The following PDE1C variants were observed in gnomAD, a reference collection of about 807,000 sequenced individuals.
The protein encoded by PDE1C is dual specificity calcium/calmodulin-dependent 3',5'-cyclic nucleotide phosphodiesterase 1C.
In PDE1C, 62 loss-of-function variants were observed where a neutral mutation model predicts 93.1. That is an observed-to-expected ratio of 0.67 (90% CI 0.54 to 0.82). PDE1C has a LOEUF of 0.82. PDE1C is among the 40% of genes least tolerant of loss of function. PDE1C has a pLI of 0.00. For missense variants in PDE1C, 742 were observed against 884.6 expected (o/e 0.84, Z 2.04); for synonymous variants, 325 against 310.1 (o/e 1.05, Z -0.50).
the PDE1C span, among the ~76,000 whole-genome samples, chr7:31,700,476 C>T: frequency 0.034 from 5,108 of 152,244 alleles, 126 homozygotes; most frequent in Non-Finnish European, 0.054. Context: ...GAAGCCATCT[C>T]CCATAAAAGT....
intron 16 of PDE1C, among the ~76,000 whole-genome samples, chr7:31,793,604 A>G (rs1288364940): frequency 1.3e-5 from 2 of 152,030 alleles, no homozygotes; most frequent in Admixed American, 6.6e-5. Context: ...CGAATGAAGA[A>G]TAAGTGTAGA....
chr7:32,260,791 C>G (rs1810144102), intron 1 of PDE1C, among the ~76,000 whole-genome samples: 1 of 152,206 alleles, frequency 6.6e-6, no homozygotes, highest in Non-Finnish European at 1.5e-5. Context: ...TGCCTGGGGA[C>G]CAGTCTGCCT....
chr7:32,112,838 GTGTGTGTGTATATA>G (rs1201381581), intron 3 of PDE1C, among the ~76,000 whole-genome samples: 20 of 61,326 alleles, frequency 3.3e-4, no homozygotes, highest in South Asian at 2.3e-3. Flanking sequence ...GTGTGTGTGT[GTGTGTGTGTATATA>G]TATATATATA....
At chr7:31,965,637 A>G (rs1166343144) in intron 2 of PDE1C, among the ~76,000 whole-genome samples, 2 of 152,148 alleles carry the variant, frequency 1.3e-5, no homozygotes, top group Non-Finnish European at 1.5e-5. Flanking sequence ...GAGAAGAGCA[A>G]TTCCAAGACA....
At chr7:32,246,452 T>TCAGACACTGCCACAGCAAACAC (rs1554294654) in intron 1 of PDE1C, among the ~76,000 whole-genome samples, 6 of 151,734 alleles carry the variant, frequency 4.0e-5, no homozygotes, top group African/African-American at 1.5e-4. Context: ...GCCCAGAAGA[T>TCAGACACTGCCACAGCAAACAC]CAGACACTGC....
rs1433238697 is a variant in PDE1C, at chr7:32,425,497, T to C, written c.310+2325A>G. On this transcript the variant is annotated intron_variant, in intron 1 of 1. Coordinates refer to the PDE1C transcript ENST00000672256. ...TTCTTATGAAATAAAATGGAAGGGA[T>C]TGAAAAAAATTCTTGTATAATCAAA... Among the ~76,000 whole-genome samples, 11 of 152,194 alleles carry C rather than the reference T, an allele frequency of 7.2e-5. No homozygotes were observed. In the South Asian group the frequency reaches 2.1e-3, roughly 29 times the overall value.
At chr7:32,374,753 T>C (rs958876524) in intron 1 of PDE1C, among the ~76,000 whole-genome samples, 2 of 152,352 alleles carry the variant, frequency 1.3e-5, no homozygotes, top group Middle Eastern at 6.8e-3. Context: ...TATGCAGCAA[T>C]AGTCCAGAAC....
At chr7:32,118,476 A>G (rs1799111968) in intron 3 of PDE1C, among the ~76,000 whole-genome samples, 1 of 152,348 alleles carries the variant, frequency 6.6e-6, no homozygotes, top group South Asian at 2.1e-4. Flanking sequence ...TAAAAATAAA[A>G]CGTGACCTTC....
chr7:31,806,798 T>C (rs983713034), intron 16 of PDE1C, among the ~76,000 whole-genome samples: 1 of 151,896 alleles, frequency 6.6e-6, no homozygotes, highest in African/African-American at 2.4e-5. Flanking sequence ...GGGATTGGTC[T>C]AGGGGTAGGG....
intron 2 of PDE1C, among the ~76,000 whole-genome samples, chr7:32,030,052 G>A (rs866953961): frequency 6.7e-6 from 1 of 148,394 alleles, no homozygotes; most frequent in Middle Eastern, 3.3e-3. Context: ...GAGTGAAAAA[G>A]CAAGTTGCTG....
chr7:31,832,327 A>G (rs1483019146), intron 11 of PDE1C, among the ~76,000 whole-genome samples: 1 of 152,228 alleles, frequency 6.6e-6, no homozygotes, highest in Non-Finnish European at 1.5e-5. Context: ...TTTACCAACG[A>G]GGTGAACTTA....
chr7:31,975,508 C>A (rs1028240720), intron 2 of PDE1C, among the ~76,000 whole-genome samples: 2 of 152,130 alleles, frequency 1.3e-5, no homozygotes, highest in African/African-American at 4.8e-5. Context: ...CTCACATGGA[C>A]AATTCTAGCA....
At chr7:32,331,759 G>T (rs1783520479) in intron 1 of PDE1C, among the ~76,000 whole-genome samples, 1 of 152,170 alleles carries the variant, frequency 6.6e-6, no homozygotes, top group Non-Finnish European at 1.5e-5. Flanking sequence ...AGAGAAAAAG[G>T]GAAATAACTC....
chr7:32,155,410 G>T (rs1342121437), intron 3 of PDE1C, among the ~76,000 whole-genome samples: 2 of 152,194 alleles, frequency 1.3e-5, no homozygotes, highest in Non-Finnish European at 2.9e-5. Flanking sequence ...CTCTAGTCAG[G>T]TTAGCTATTA....
At chr7:31,624,352 C>T in the PDE1C span, among the ~76,000 whole-genome samples, 65 of 147,344 alleles carry the variant, frequency 4.4e-4, no homozygotes, top group South Asian at 1.6e-3. Context: ...GGAGGCATCA[C>T]GCTACCTGAC....
chr7:31,910,971 C>T (rs546921340), intron 2 of PDE1C, among the ~76,000 whole-genome samples: 7 of 152,164 alleles, frequency 4.6e-5, no homozygotes, highest in Admixed American at 2.0e-4. Flanking sequence ...TTTTTTAAAA[C>T]GGAATACTCA....
chr7:32,101,831 G>A (rs1201553287), intron 3 of PDE1C, among the ~76,000 whole-genome samples: 1 of 152,154 alleles, frequency 6.6e-6, no homozygotes, highest in Non-Finnish European at 1.5e-5. Flanking sequence ...CTGAAGATGT[G>A]GAAGCATAGT....
intron 1 of PDE1C, among the ~76,000 whole-genome samples, chr7:32,345,611 C>T (rs1329929822): frequency 1.3e-5 from 2 of 152,024 alleles, no homozygotes; most frequent in African/African-American, 4.8e-5. Context: ...ACTGAAATGA[C>T]TTGTATTCAG....
rs3078683 is a variant in PDE1C at position 32,147,272 on chromosome 7, A to AAAAGAAAGAAAGAAAGAAAG, written c.308+22493_308+22512dup. On this transcript the variant is annotated intron_variant, in intron 3 of 18. Coordinates refer to the PDE1C transcript ENST00000396193. ...GAAAGAAAAGAAAGAAAGAAAGAAA[A>AAAAGAAAGAAAGAAAGAAAG]AAAGAAAGAAAGAAAGAAAGAAAGA... 1.6e-4 allele frequency among the ~76,000 whole-genome samples: 15 copies of AAAAGAAAGAAAGAAAGAAAG among 96,606 alleles called. 1 individual carries two copies. Among genetic ancestry groups the AAAAGAAAGAAAGAAAGAAAG allele is most frequent in the Admixed American group, 2.2e-4 (2 of 9,222 alleles). 63.4% of individuals were successfully genotyped at this position (96,606 alleles called of 152,430 possible).
Sources: gnomAD v4.1 joint callset for allele counts (sites outside exome capture counted in the v4.1 genomes callset) on GRCh38, gnomAD v4.1.1 for gene constraint, MANE v1.5 for transcripts, NCBI Gene and HGNC (gene_info 2026-07-23, HGNC 2026-07-21) for gene names.